NEK11: variants seen among roughly 807,000 people sequenced by gnomAD.
The protein encoded by NEK11 is serine/threonine-protein kinase Nek11.
A neutral mutation model predicts 80.7 loss-of-function variants in NEK11; 72 were observed. The ratio of observed to expected loss-of-function variants is 0.89; its 90% confidence interval spans 0.74 to 1.08. The LOEUF is 1.08. NEK11 is among the 50% of genes least tolerant of loss of function. NEK11 has a pLI of 0.00. For synonymous variants in NEK11, 251 were observed against 260.7 expected (o/e 0.96, Z 0.36); for missense variants, 764 against 763.6 (o/e 1.00, Z -0.01).
chr3:131,333,505 G>C (rs1409330129), intron 17 of NEK11, among the ~76,000 whole-genome samples: 1 of 152,178 alleles, frequency 6.6e-6, no homozygotes, highest in Non-Finnish European at 1.5e-5. Flanking sequence ...ACCAGCCACT[G>C]CAAAATCATG....
chr3:131,184,785 A>T, intron 14 of NEK11: 1 of 1,097,332 alleles, frequency 9.1e-7, no homozygotes, highest in East Asian at 3.2e-5. Flanking sequence ...AGAATCCTCC[A>T]TGCATACTTT....
intron 5 of NEK11, among the ~76,000 whole-genome samples, chr3:131,128,860 T>A (rs914628528): frequency 5.9e-5 from 9 of 152,184 alleles, no homozygotes; most frequent in South Asian, 2.1e-4. Flanking sequence ...AATAGGTGTG[T>A]AGTGGTACTT....
At chr3:131,117,403 G>T (rs368772061) in intron 5 of NEK11, among the ~76,000 whole-genome samples, 1 of 152,198 alleles carries the variant, frequency 6.6e-6, no homozygotes, top group South Asian at 2.1e-4. Context: ...TTGAAGTCAG[G>T]TTGTGTGATG....
At chr3:131,238,695 G>C (rs1243532112) in intron 15 of NEK11, among the ~76,000 whole-genome samples, 1 of 152,106 alleles carries the variant, frequency 6.6e-6, no homozygotes, top group African/African-American at 2.4e-5. Context: ...CACAGAGAGG[G>C]AACAGAGAGT....
At chr3:131,170,045 CTTA>C (rs1411809326) in intron 13 of NEK11, among the ~76,000 whole-genome samples, 1 of 152,092 alleles carries the variant, frequency 6.6e-6, no homozygotes, top group Admixed American at 6.5e-5. Flanking sequence ...CTTCATTTTA[CTTA>C]TTAAGATTAG....
At chr3:131,096,981 C>T (rs534586201) in intron 4 of NEK11, among the ~76,000 whole-genome samples, 10 of 148,124 alleles carry the variant, frequency 6.8e-5, no homozygotes, top group African/African-American at 1.2e-4. Flanking sequence ...TGAGAACATG[C>T]GGTGTTTGGT....
chr3:131,252,160 C>T (rs929398842), intron 16 of NEK11, among the ~76,000 whole-genome samples: 3 of 151,990 alleles, frequency 2.0e-5, no homozygotes, highest in East Asian at 1.9e-4. Context: ...TAACAGGATC[C>T]GGGGACAATT....
chr3:131,121,475 A>C (rs373267583), intron 5 of NEK11, among the ~76,000 whole-genome samples: 1 of 152,176 alleles, frequency 6.6e-6, no homozygotes, highest in African/African-American at 2.4e-5. Flanking sequence ...CTCAGATCTC[A>C]AACTCTGTGC....
chr3:131,249,777 A>T (rs577937713), intron 16 of NEK11, among the ~76,000 whole-genome samples: 1 of 152,236 alleles, frequency 6.6e-6, no homozygotes, highest in South Asian at 2.1e-4. Context: ...AATGGTGGGA[A>T]TGAGCGCTAC....
intron 15 of NEK11, among the ~76,000 whole-genome samples, chr3:131,233,316 C>T (rs2095369594): frequency 6.6e-6 from 1 of 152,200 alleles, no homozygotes; most frequent in Admixed American, 6.5e-5. Flanking sequence ...AGCAGGGCCT[C>T]AGCGTGGACC....
intron 3 of NEK11, among the ~76,000 whole-genome samples, chr3:131,052,390 G>A (rs890901574): frequency 6.6e-6 from 1 of 152,060 alleles, no homozygotes; most frequent in Admixed American, 6.6e-5. Context: ...ACTATTTCTT[G>A]CATGAATTTT....
At chr3:131,099,899 T>G (rs902755511) in intron 4 of NEK11, among the ~76,000 whole-genome samples, 1 of 152,202 alleles carries the variant, frequency 6.6e-6, no homozygotes, top group Non-Finnish European at 1.5e-5. Flanking sequence ...AGGAATAGAA[T>G]CATACTGTCA....
At chr3:131,153,910 C>T (rs901464028) in intron 9 of NEK11, among the ~76,000 whole-genome samples, 2 of 152,062 alleles carry the variant, frequency 1.3e-5, no homozygotes, top group African/African-American at 4.8e-5. Context: ...AGGGCTTTGG[C>T]GGTCAAAGGA....
intron 14 of NEK11, among the ~76,000 whole-genome samples, chr3:131,179,634 A>G (rs2093237085): frequency 6.6e-6 from 1 of 152,210 alleles, no homozygotes; most frequent in Admixed American, 6.5e-5. Context: ...TAATAGTTCA[A>G]CATTCAAGTT....
At chr3:131,259,843 A>C (rs1203038224) in intron 16 of NEK11, among the ~76,000 whole-genome samples, 1 of 152,150 alleles carries the variant, frequency 6.6e-6, no homozygotes, top group East Asian at 1.9e-4. Context: ...CTGGGGTAGC[A>C]AGTTCTTCCT....
chr3:131,134,103 C>A (rs1235995379), intron 7 of NEK11, 147 bp downstream of exon 7: 2 of 623,912 alleles, frequency 3.2e-6, no homozygotes, highest in Non-Finnish European at 2.5e-6. Flanking sequence ...AGGTCTTTTG[C>A]ATTTAGAACT....
At chr3:131,323,067 CAGACCTA>C (rs1404382036) in intron 17 of NEK11, among the ~76,000 whole-genome samples, 1 of 152,188 alleles carries the variant, frequency 6.6e-6, no homozygotes, top group African/African-American at 2.4e-5. Context: ...CTCATTCCAT[CAGACCTA>C]AGAAAGCTTG....
At chr3:131,103,011 A>G (rs543012195) in intron 4 of NEK11, among the ~76,000 whole-genome samples, 14 of 152,286 alleles carry the variant, frequency 9.2e-5, no homozygotes, top group African/African-American at 3.4e-4. Context: ...TTTCAGCTCT[A>G]GAAGCTCAAT....
chr3:131,229,980 C>T (rs979509411), intron 15 of NEK11, among the ~76,000 whole-genome samples: 73 of 152,158 alleles, frequency 4.8e-4, no homozygotes, highest in African/African-American at 1.6e-3. Flanking sequence ...TACCACAAAT[C>T]GAAAATATAA....
Sources: allele counts gnomAD v4.1 joint callset (sites outside exome capture counted in the v4.1 genomes callset), GRCh38; gene constraint gnomAD v4.1.1; transcripts MANE v1.5; gene names NCBI Gene and HGNC (gene_info 2026-07-23, HGNC 2026-07-21).